The following KLHL29 variants were observed in gnomAD, a reference collection of about 807,000 sequenced individuals.
The protein encoded by KLHL29 is kelch like family member 29.
In KLHL29, 21 loss-of-function variants were observed where a neutral mutation model predicts 80.4. The observed-to-expected ratio is 0.26, with a 90% confidence interval of 0.19 to 0.38. KLHL29 has a LOEUF of 0.38. Ranked by LOEUF, KLHL29 falls within the 10% of genes least tolerant of loss-of-function variation. The pLI, the probability that KLHL29 is intolerant of heterozygous loss-of-function variation, is 1.00. For missense variants in KLHL29, 867 were observed against 1,223.9 expected (o/e 0.71, Z 4.35); for synonymous variants, 511 against 526.8 (o/e 0.97, Z 0.41).
intron 3 of KLHL29, among the ~76,000 whole-genome samples, chr2:23,629,671 C>T (rs983249478): frequency 2.0e-5 from 3 of 152,138 alleles, no homozygotes; most frequent in Admixed American, 2.0e-4. Context: ...GCAAGGGAGG[C>T]CATCTGTGCT....
At chr2:23,435,006 ACT>A (rs1282724512) in intron 1 of KLHL29, among the ~76,000 whole-genome samples, 1 of 152,140 alleles carries the variant, frequency 6.6e-6, no homozygotes, top group Non-Finnish European at 1.5e-5. Flanking sequence ...ACAAGACATA[ACT>A]CTGCTTTCAC....
Position 23,696,345 on chromosome 2 carries a change from CA to C in KLHL29, c.1938del (p.Val648Ter), listed in dbSNP as rs1558446802. 6.4e-7 allele frequency: 1 copy of C among 1,551,578 alleles called. No individual in the cohort carries two copies. The highest frequency in any genetic ancestry group is 8.7e-7 in the Non-Finnish European group (1 of 1,146,952). ...ACACTGCCTCCAGGTGGGATGGAAT[CA>C]GGGGTGACGCTGGCTGATGTCTGGT... ...DNIYLSGGME[S>X]GVTLADVWCY... On this transcript the variant is annotated frameshift_variant, in exon 11 of 14. Coordinates refer to ENST00000486442, the MANE Select transcript of KLHL29 (RefSeq NM_052920.2). LOFTEE classifies it high-confidence loss of function. This position sits in a 1 kb window ranked among gnomAD's most constrained non-coding sequence, Gnocchi z 5.5.
chr2:23,576,528 C>A (rs999405172), intron 3 of KLHL29, among the ~76,000 whole-genome samples: 2 of 151,980 alleles, frequency 1.3e-5, no homozygotes, highest in African/African-American at 4.8e-5. Flanking sequence ...TTCCATGTAC[C>A]ACATCGGGTT....
intron 1 of KLHL29, among the ~76,000 whole-genome samples, chr2:23,397,626 C>T (rs1483784876): frequency 7.2e-5 from 11 of 152,218 alleles, no homozygotes; most frequent in Non-Finnish European, 1.5e-5. Flanking sequence ...TATTCCTGTG[C>T]TGGGTGTGAC....
At chr2:23,416,085 C>A (rs571223430) in intron 1 of KLHL29, among the ~76,000 whole-genome samples, 2 of 152,138 alleles carry the variant, frequency 1.3e-5, no homozygotes, top group Non-Finnish European at 2.9e-5. Flanking sequence ...GCTGGAGTTA[C>A]ACCTTCATGG....
At chr2:23,466,303 A>G (rs1318751481) in intron 1 of KLHL29, among the ~76,000 whole-genome samples, 1 of 152,234 alleles carries the variant, frequency 6.6e-6, no homozygotes, top group East Asian at 1.9e-4. Context: ...AATGTGTGTA[A>G]TGTGTAATAA....
At chr2:23,559,197 C>A (rs1363688723) in intron 2 of KLHL29, among the ~76,000 whole-genome samples, 1 of 152,130 alleles carries the variant, frequency 6.6e-6, no homozygotes, top group Non-Finnish European at 1.5e-5. Flanking sequence ...GCTTCAGAAA[C>A]CATAAGGCAT....
chr2:23,585,901 C>G lies in KLHL29; in HGVS notation c.285+23420C>G, dbSNP rs1668105830. Among the ~76,000 whole-genome samples, 3 of 152,274 alleles carry G rather than the reference C, an allele frequency of 2.0e-5. No homozygotes were observed. In the South Asian group the frequency reaches 6.2e-4, roughly 32 times the overall value. Reference sequence around the variant, plus strand: ...CCACCGGGGAGAGTTTAAAATTAGACCAGGCGAAGCTCAGGAGGATATGCT... The same window carrying G: ...CCACCGGGGAGAGTTTAAAATTAGAGCAGGCGAAGCTCAGGAGGATATGCT... On this transcript the variant is annotated intron_variant, in intron 3 of 13. Coordinates refer to ENST00000486442, the MANE Select transcript of KLHL29 (RefSeq NM_052920.2).
chr2:23,624,953 G>A (rs1421242799), intron 3 of KLHL29, among the ~76,000 whole-genome samples: 1 of 152,244 alleles, frequency 6.6e-6, no homozygotes, highest in Non-Finnish European at 1.5e-5. Context: ...CAGGGGCTCA[G>A]AGAGGTGGTA....
At chr2:23,639,853 C>T (rs115047994) in intron 4 of KLHL29, among the ~76,000 whole-genome samples, 3,384 of 152,282 alleles carry the variant, frequency 0.022, 49 homozygotes, top group Middle Eastern at 0.085. Flanking sequence ...CCCCTTCATC[C>T]CCCTCTCAAA....
chr2:23,419,686 C>G (rs1373912211), intron 1 of KLHL29, among the ~76,000 whole-genome samples: 2 of 152,156 alleles, frequency 1.3e-5, no homozygotes, highest in African/African-American at 4.8e-5. Flanking sequence ...TGGCCTTAAC[C>G]AGGAGTCTGG....
At chr2:23,554,316 C>A (rs1189298209) in intron 2 of KLHL29, among the ~76,000 whole-genome samples, 1 of 152,354 alleles carries the variant, frequency 6.6e-6, no homozygotes, top group Non-Finnish European at 1.5e-5. Context: ...CTGTTCCAAT[C>A]GACTTGGCAG....
chr2:23,575,113 C>G (rs549506629), intron 3 of KLHL29, among the ~76,000 whole-genome samples: 3 of 152,292 alleles, frequency 2.0e-5, no homozygotes, highest in African/African-American at 7.2e-5. Context: ...TCTGCAGGCT[C>G]GGAGCTGCCT....
Position 23,520,992 on chromosome 2 carries a change from A to ACCCCCCCC in KLHL29, c.-45-41156_-45-41149dup, listed in dbSNP as rs33915683. 3.0e-4 allele frequency among the ~76,000 whole-genome samples: 27 copies of ACCCCCCCC among 91,138 alleles called. 1 individual carries two copies. The highest frequency in any genetic ancestry group is 9.2e-4 in the African/African-American group (26 of 28,116). 59.8% of individuals were successfully genotyped at this position (91,138 alleles called of 152,430 possible). On this transcript the variant is annotated intron_variant, in intron 2 of 13. Coordinates refer to ENST00000486442, the MANE Select transcript of KLHL29 (RefSeq NM_052920.2). Reference sequence around the variant, plus strand: ...TTACTGCTTTCATTTTACAAAGACCACCCCCCCCCCCGCTCCCCCTCAGGG... The same window carrying ACCCCCCCC: ...TTACTGCTTTCATTTTACAAAGACCACCCCCCCCCCCCCCCCCCCGCTCCCCCTCAGGG...
At chr2:23,424,135 G>A (rs1358246098) in intron 1 of KLHL29, among the ~76,000 whole-genome samples, 5 of 152,172 alleles carry the variant, frequency 3.3e-5, no homozygotes, top group Admixed American at 6.5e-5. Flanking sequence ...GGGTAGAACC[G>A]ATACTTCTAG....
At chr2:23,413,850 C>T (rs2577741) in intron 1 of KLHL29, among the ~76,000 whole-genome samples, 5,215 of 152,268 alleles carry the variant, frequency 0.034, 120 homozygotes, top group Middle Eastern at 0.078. Flanking sequence ...CCCACGGGTG[C>T]GGTGGGAGGC....
chr2:23,579,295 T>C (rs995528355), intron 3 of KLHL29, among the ~76,000 whole-genome samples: 25 of 152,210 alleles, frequency 1.6e-4, no homozygotes, highest in African/African-American at 5.8e-4. Flanking sequence ...AAACGGGGCT[T>C]GAACTCAGAC....
At chr2:23,544,714 G>C (rs139509941) in intron 2 of KLHL29, among the ~76,000 whole-genome samples, 14 of 152,314 alleles carry the variant, frequency 9.2e-5, no homozygotes, top group African/African-American at 2.9e-4. Flanking sequence ...AAGGCAATAA[G>C]AACGCTGGCC....
Position 23,518,045 on chromosome 2 carries a change from T to G in KLHL29, c.-46+42378T>G, listed in dbSNP as rs115711079. Among the ~76,000 whole-genome samples the G allele has an allele frequency of 2.7e-3, 414 of 152,298 alleles. 2 individuals are homozygous for G. Among genetic ancestry groups the G allele is most frequent in the African/African-American group, 9.5e-3 (393 of 41,552 alleles). On this transcript the variant is annotated intron_variant, in intron 2 of 13. Coordinates refer to ENST00000486442, the MANE Select transcript of KLHL29 (RefSeq NM_052920.2). Reference sequence around the variant, plus strand: ...ACTATGAAGATTAAATGAGATAGTGTGTAGCTCATCATAAATGCTCAAGAA... The same window carrying G: ...ACTATGAAGATTAAATGAGATAGTGGGTAGCTCATCATAAATGCTCAAGAA...
Sources: allele counts gnomAD v4.1 joint callset (sites outside exome capture counted in the v4.1 genomes callset), GRCh38; gene constraint gnomAD v4.1.1; non-coding constraint Gnocchi (gnomAD v3.1); transcripts MANE v1.5; gene names NCBI Gene and HGNC (gene_info 2026-07-23, HGNC 2026-07-21).